Variants in TUBGCP5 observed in about 807,000 individuals in gnomAD.
TUBGCP5 encodes the protein gamma-tubulin complex component 5.
TUBGCP5 carries 98 observed loss-of-function variants against 134.7 expected under a neutral mutation model. That is an observed-to-expected ratio of 0.73 (90% CI 0.62 to 0.86). The LOEUF is 0.86. TUBGCP5 is among the 40% of genes least tolerant of loss of function. The probability of loss-of-function intolerance (pLI) is 0.00; values close to 1 mark genes in which losing one functional copy is unlikely to be tolerated. For synonymous variants in TUBGCP5, 456 were observed against 431.4 expected (o/e 1.06, Z -0.71); for missense variants, 1,150 against 1,244.8 (o/e 0.92, Z 1.15).
chr15:22,988,259 A>T (rs1450257232), intron 23 of TUBGCP5, among the ~76,000 whole-genome samples: 2 of 151,884 alleles, frequency 1.3e-5, no homozygotes, highest in Non-Finnish European at 2.9e-5. Flanking sequence ...CTGAGAGCAG[A>T]CCCAGAAAAA....
chr15:23,012,887 G>A (rs1303743343), intron 13 of TUBGCP5, among the ~76,000 whole-genome samples: 1 of 152,046 alleles, frequency 6.6e-6, no homozygotes, highest in East Asian at 1.9e-4. Flanking sequence ...GATCAGCTGA[G>A]GTCAGGAGTT....
downstream of TUBGCP5, among the ~76,000 whole-genome samples, chr15:22,997,524 G>C (rs1023254340): frequency 7.9e-5 from 12 of 151,946 alleles, no homozygotes; most frequent in African/African-American, 2.9e-4. Context: ...CCCCAAGTTT[G>C]TAGTGTTAAT....
chr15:23,029,753 C>T lies in TUBGCP5; in HGVS notation c.622+1132G>A, dbSNP rs557141451. Among the ~76,000 whole-genome samples, 215 of 151,928 alleles carry T rather than the reference C, an allele frequency of 1.4e-3. 1 individual carries two copies. Among genetic ancestry groups the T allele is most frequent in the African/African-American group, 5.0e-3 (206 of 41,408 alleles). ...ACAAAAATTAGCTGAGTGTGGTACA[C>T]GCCTGTAACCCCAGCTACTCGGGAA... On this transcript the variant is annotated intron_variant, in intron 6 of 22. Transcript: ENST00000615383.
chr15:22,993,678 G>A (rs1258357504), intron 23 of TUBGCP5, among the ~76,000 whole-genome samples: 1 of 151,528 alleles, frequency 6.6e-6, no homozygotes, highest in Non-Finnish European at 1.5e-5. Context: ...CTGAGTAGCT[G>A]GGATTACAGG....
At chr15:23,033,123 T>C (rs1162386043) in intron 3 of TUBGCP5, among the ~76,000 whole-genome samples, 3 of 152,214 alleles carry the variant, frequency 2.0e-5, no homozygotes, top group Non-Finnish European at 4.4e-5. Context: ...TATAACATTA[T>C]GGTTAAAAAT....
Position 23,013,848 on chromosome 15 carries a change from C to G in TUBGCP5, c.1757-2517G>C, listed in dbSNP as rs1303670384. ...ACCAGAGCCACCTCTGGAGCACGCC[C>G]TCCTCTGGGCCAGTAGCTGCTGCAC... is the stretch of plus-strand genomic sequence containing the variant. On this transcript the variant is annotated intron_variant, in intron 13 of 22. Coordinates refer to ENST00000615383, the MANE Select transcript of TUBGCP5 (RefSeq NM_052903.6). This position sits in a 1 kb window ranked among gnomAD's most constrained non-coding sequence, Gnocchi z 4.5. Among the ~76,000 whole-genome samples, 1 of 152,158 alleles carries G rather than the reference C, an allele frequency of 6.6e-6. No homozygotes were observed. Among genetic ancestry groups the G allele is most frequent in the Non-Finnish European group, 1.5e-5 (1 of 68,026 alleles).
At chr15:23,028,379 TAAAAA>T (rs762310901) in intron 6 of TUBGCP5, among the ~76,000 whole-genome samples, 2 of 91,070 alleles carry the variant, frequency 2.2e-5, no homozygotes, top group Non-Finnish European at 2.1e-5. Context: ...GGCCCGGTCT[TAAAAA>T]AAAAAAAAAA....
At chr15:22,986,994 G>A (rs1336205516) in intron 23 of TUBGCP5, among the ~76,000 whole-genome samples, 2 of 152,114 alleles carry the variant, frequency 1.3e-5, no homozygotes, top group Non-Finnish European at 2.9e-5. Context: ...CACTATGGGG[G>A]CTGGCTCAGC....
intron 11 of TUBGCP5, among the ~76,000 whole-genome samples, chr15:23,019,577 CACCTGA>C (rs2065545462): frequency 6.6e-6 from 1 of 151,878 alleles, no homozygotes; most frequent in African/African-American, 2.4e-5. Flanking sequence ...GTGGGCGGAT[CACCTGA>C]GGTAAGAAAT....
chr15:23,029,998 T>C (rs2066216305), intron 6 of TUBGCP5, among the ~76,000 whole-genome samples: 1 of 151,844 alleles, frequency 6.6e-6, no homozygotes, highest in Non-Finnish European at 1.5e-5. Flanking sequence ...AGTTTGAGAC[T>C]AGCCTGGGCA....
Position 22,988,144 on chromosome 15 carries a change from T to G in TUBGCP5, c.*62-4533A>C. On this transcript the variant is annotated intron_variant and NMD_transcript_variant, in intron 23 of 23. Transcript: ENST00000614508. Reference sequence around the variant, plus strand: ...AGTCCTGACGGACTAAGACAGTACCTTATATGAAGAAAGAGTCTTAGCGGA... The same window carrying G: ...AGTCCTGACGGACTAAGACAGTACCGTATATGAAGAAAGAGTCTTAGCGGA... Among the ~76,000 whole-genome samples the G allele has an allele frequency of 1.7e-5, 2 of 116,284 alleles. 1 individual carries two copies. The highest frequency in any genetic ancestry group is 4.7e-4 in the East Asian group (2 of 4,226). 76.3% of individuals were successfully genotyped at this position (116,284 alleles called of 152,430 possible).
chr15:22,985,112 A>G (rs992121533), intron 23 of TUBGCP5, among the ~76,000 whole-genome samples: 8 of 152,202 alleles, frequency 5.3e-5, no homozygotes, highest in African/African-American at 1.7e-4. Context: ...ATAAAATTCA[A>G]CATATATATC....
chr15:23,033,794 T>C (rs557558740), intron 3 of TUBGCP5, among the ~76,000 whole-genome samples: 13 of 152,334 alleles, frequency 8.5e-5, no homozygotes, highest in African/African-American at 3.1e-4. Flanking sequence ...TTAATTTGCA[T>C]TTATCTTATC....
intron 7 of TUBGCP5, 112 bp from the exon 8 acceptor site, chr15:23,026,317 G>T: frequency 1.1e-6 from 1 of 878,530 alleles, no homozygotes; most frequent in Non-Finnish European, 1.9e-6. Context: ...CAACTAACAA[G>T]TATACATAAT....
At chr15:22,993,764 C>T (rs926041759) in intron 23 of TUBGCP5, among the ~76,000 whole-genome samples, 33 of 151,038 alleles carry the variant, frequency 2.2e-4, no homozygotes, top group African/African-American at 7.1e-4. Context: ...AGGCTGGTCT[C>T]GAACTCCTGA....
intron 23 of TUBGCP5, among the ~76,000 whole-genome samples, chr15:22,992,342 G>C (rs12595681): frequency 0.087 from 13,226 of 152,098 alleles, 1,026 homozygotes; most frequent in East Asian, 0.45. Flanking sequence ...TGGACAGTAG[G>C]CTCCAGCGTC....
intron 10 of TUBGCP5, chr15:23,023,484 G>C (rs925377645): frequency 6.2e-6 from 1 of 160,246 alleles, no homozygotes; most frequent in South Asian, 1.7e-4. Context: ...GCTATGACAC[G>C]ACCATATGAT....
rs59063683 is a variant in TUBGCP5, at chr15:23,037,820, G to A, written c.147-668C>T. 6.3e-3 allele frequency among the ~76,000 whole-genome samples: 957 copies of A among 152,306 alleles called. 12 individuals carry two copies. Among genetic ancestry groups the A allele is most frequent in the African/African-American group, 0.021 (888 of 41,558 alleles). The stretch of plus-strand genomic sequence containing the variant: ...AGAAGGAGATGCTACTTTTCAGTTA[G>A]AGAAAAGTGAGCTTGCTCAGTGCAA... On this transcript the variant is annotated intron_variant, in intron 1 of 22. Transcript: ENST00000615383.
intron 6 of TUBGCP5, among the ~76,000 whole-genome samples, chr15:23,030,092 G>C (rs1244151412): frequency 6.6e-6 from 1 of 152,160 alleles, no homozygotes; most frequent in Non-Finnish European, 1.5e-5. Flanking sequence ...CTACTCAGGA[G>C]GCTGAGGTGG....
Sources: allele counts gnomAD v4.1 joint callset (sites outside exome capture counted in the v4.1 genomes callset), GRCh38; gene constraint gnomAD v4.1.1; non-coding constraint Gnocchi (gnomAD v3.1); transcripts MANE v1.5; gene names NCBI Gene and HGNC (gene_info 2026-07-23, HGNC 2026-07-21).